The following FKBP14 variants were observed in gnomAD, a reference collection of about 807,000 sequenced individuals.
FKBP14 encodes peptidyl-prolyl cis-trans isomerase FKBP14.
Under a neutral mutation model 21.6 loss-of-function variants are expected in FKBP14, and 20 were observed. The observed-to-expected ratio is 0.92, with a 90% confidence interval of 0.65 to 1.34. The LOEUF (loss-of-function observed/expected upper bound fraction) is 1.34, where lower values mean the gene tolerates loss of function less well. Among genes scored for constraint, FKBP14 ranks in the 40% most tolerant of loss-of-function variants. The pLI, the probability that FKBP14 is intolerant of heterozygous loss-of-function variation, is 0.00. For synonymous variants in FKBP14, 79 were observed against 86.7 expected (o/e 0.91, Z 0.49); for missense variants, 253 against 249.0 (o/e 1.02, Z -0.11).
chr7:30,008,618 G>A (rs1789653611), downstream of FKBP14, among the ~76,000 whole-genome samples: 1 of 150,568 alleles, frequency 6.6e-6, no homozygotes, highest in African/African-American at 2.4e-5. Context: ...TTACTCAGGA[G>A]GCTGAGGCGG....
downstream of FKBP14, among the ~76,000 whole-genome samples, chr7:30,006,792 A>C (rs1047079507): frequency 1.3e-5 from 2 of 152,122 alleles, no homozygotes; most frequent in African/African-American, 4.8e-5. Flanking sequence ...GATTTTTTCC[A>C]CTGACCTAGT....
At position 30,013,165 on chromosome 7, in the gene FKBP14, G is replaced by A. The variant is rs1250328567; in HGVS notation, c.*1570C>T. On this transcript the variant is annotated 3_prime_UTR_variant, in exon 4 of 4. Transcript: ENST00000222803. ...TTAAAAAAAAGAATTAAAGATAAAA[G>A]CCAATTTAAAATAAAATTATATATA... The A allele has an allele frequency of 6.6e-6, 1 of 151,512 alleles. No homozygotes were observed. Among genetic ancestry groups the A allele is most frequent in the Non-Finnish European group, 1.5e-5 (1 of 67,912 alleles). 9.4% of individuals were successfully genotyped at this position (151,512 alleles called of 1,614,324 possible). A position where few individuals can be genotyped will look rare whatever the true frequency, so the allele number is the denominator to read the frequency against.
intron 2 of FKBP14, chr7:30,020,445 T>C: frequency 2.9e-6 from 1 of 347,774 alleles, no homozygotes; most frequent in Non-Finnish European, 5.5e-6. Context: ...AATGGACTAA[T>C]ACAACGTACA....
chr7:30,014,639 A>T lies in FKBP14; in HGVS notation c.*96T>A. 1.2e-6 allele frequency: 1 copy of T among 842,784 alleles called. No individual in the cohort carries two copies. Among genetic ancestry groups the T allele is most frequent in the Non-Finnish European group, 1.6e-6 (1 of 624,770 alleles). The allele number at this position is 842,784 out of a possible 1,614,324, so 52.2% of individuals were successfully genotyped here. On this transcript the variant is annotated 3_prime_UTR_variant, in exon 4 of 4. Coordinates refer to ENST00000222803, the MANE Select transcript of FKBP14 (RefSeq NM_017946.4). ...AAAAAATATATAAAAATAAAAAACA[A>T]AGCAAGAAAGAACATTGTATAAAAA...
At position 30,022,723 on chromosome 7, in the gene FKBP14, T is replaced by A; in HGVS notation, c.291A>T (p.Val97=). 6.2e-7 allele frequency: 1 copy of A among 1,614,178 alleles called. No homozygotes were observed. The highest frequency in any genetic ancestry group is 8.5e-7 in the Non-Finnish European group (1 of 1,180,014). The part of the protein sequence containing the change: ...GWDQGLKGMC[V]GEKRKLIIPP... The stretch of plus-strand genomic sequence containing the variant: ...GAATGATGAGCTTTCTCTTCTCTCC[T>A]ACACACATTCCTTTCAAGCCCTGGT... Residue 97 remains valine (V), a synonymous_variant, in exon 2 of 4, where the codon GTA becomes GTT. Transcript: ENST00000222803.
At chr7:30,015,757 C>T (rs566242436) in intron 3 of FKBP14, among the ~76,000 whole-genome samples, 5 of 151,340 alleles carry the variant, frequency 3.3e-5, no homozygotes, top group Admixed American at 3.3e-4. Context: ...TCCCGAGTAG[C>T]TGGGACTACA....
rs1383703663 is a variant in FKBP14 at position 30,024,153 on chromosome 7, C to CT, written c.198-1338dup. On this transcript the variant is annotated intron_variant, in intron 1 of 3. Transcript: ENST00000222803. Reference sequence around the variant, plus strand: ...GAGAAAAAGAAGTCACTGTACTACGCTTCATGAGTACCATGGTTACTAAAT... The same window carrying CT: ...GAGAAAAAGAAGTCACTGTACTACGCTTTCATGAGTACCATGGTTACTAAAT... Among the ~76,000 whole-genome samples, 3 of 152,278 alleles carry CT rather than the reference C, an allele frequency of 2.0e-5. No homozygotes were observed. In the East Asian group the frequency reaches 5.8e-4, roughly 29 times the overall value.
intron 2 of FKBP14, chr7:30,020,357 G>T: frequency 1.0e-6 from 1 of 968,758 alleles, no homozygotes. Context: ...ATGGCATTCA[G>T]TTTGAAGGAA....
rs147665999 is a variant in FKBP14, at chr7:30,014,859, T to G, written c.512A>C (p.His171Pro). ...KAYLKKEFEKHGAVVNESHHD... is the reference protein window; with the variant it reads ...KAYLKKEFEKPGAVVNESHHD... ...ATGACTTTCATTCACCACCGCACCA[T>G]GTTTTTCAAACTCCTTCTTTAAATA... The change falls in exon 4 of 4, where the codon CAT (histidine) becomes CCT (proline). Residue 171 changes from histidine (H) to proline (P), a missense_variant. His to Pro is a moderately conservative substitution (Grantham distance 77). Coordinates refer to ENST00000222803, the MANE Select transcript of FKBP14 (RefSeq NM_017946.4). 12 of 1,598,326 alleles carry G rather than the reference T, an allele frequency of 7.5e-6. No individual in the cohort carries two copies. Among genetic ancestry groups the G allele is most frequent in the African/African-American group, 2.7e-5 (2 of 74,002 alleles).
At chr7:30,023,299 T>A (rs537583684) in intron 1 of FKBP14, among the ~76,000 whole-genome samples, 19 of 152,148 alleles carry the variant, frequency 1.2e-4, no homozygotes, top group African/African-American at 4.3e-4. Context: ...AAGGAGAAAA[T>A]AATGGAAAAA....
At chr7:30,007,298 C>T (rs558479702), downstream of FKBP14, among the ~76,000 whole-genome samples, 26 of 151,034 alleles carry the variant, frequency 1.7e-4, no homozygotes, top group African/African-American at 5.8e-4. Flanking sequence ...CAACCTCCAC[C>T]TCCTGAATTC....
At position 30,020,156 on chromosome 7, in the gene FKBP14, A is replaced by G. The variant is rs1181640542; in HGVS notation, c.350-1033T>C. 6.4e-6 allele frequency: 6 copies of G among 931,858 alleles called. No individual in the cohort carries two copies. The African/African-American group carries it at 7.2e-5, about 11-fold the overall frequency. 57.7% of individuals were successfully genotyped at this position (931,858 alleles called of 1,614,324 possible). ...TCCTCCCCCCATCCCACATATTTCC[A>G]TGAAAGAACATTCATAAATTCCAAA... On this transcript the variant is annotated intron_variant, in intron 2 of 3. Coordinates refer to ENST00000222803, the MANE Select transcript of FKBP14 (RefSeq NM_017946.4).
downstream of FKBP14, among the ~76,000 whole-genome samples, chr7:30,007,610 C>T (rs1302775827): frequency 1.3e-5 from 2 of 152,162 alleles, no homozygotes; most frequent in African/African-American, 4.8e-5. Flanking sequence ...ATGCACAATG[C>T]TTTCTGGAAT....
intron 2 of FKBP14, 50 bp downstream of exon 2, chr7:30,022,615 C>A: frequency 3.2e-6 from 5 of 1,543,734 alleles, no homozygotes; most frequent in South Asian, 2.5e-5. Flanking sequence ...TCTCCTAATC[C>A]AGAGAACAAC....
At chr7:30,023,210 G>A (rs1790081446) in intron 1 of FKBP14, among the ~76,000 whole-genome samples, 1 of 152,188 alleles carries the variant, frequency 6.6e-6, no homozygotes, top group Non-Finnish European at 1.5e-5. Flanking sequence ...TTAAGTTCCA[G>A]TCTTTAAACC....
rs57981260 is a variant in FKBP14 at position 30,015,008 on chromosome 7, C to A, written c.478-115G>T. The A allele has an allele frequency of 0.17, 88,951 of 536,484 alleles. 7,599 individuals are homozygous for A. Among genetic ancestry groups the A allele is most frequent in the African/African-American group, 0.24 (12,266 of 51,250 alleles). 33.2% of individuals were successfully genotyped at this position (536,484 alleles called of 1,614,324 possible). The stretch of plus-strand genomic sequence containing the variant: ...TTTAGTTCATTAACTAAATATAATA[C>A]CTTCTAAACAGCCATTTTATGACAT... On this transcript the variant is annotated intron_variant, in intron 3 of 3. Coordinates refer to ENST00000222803, the MANE Select transcript of FKBP14 (RefSeq NM_017946.4).
At chr7:30,014,975 TTATTA>T in intron 3 of FKBP14, 82 bp from the exon 4 acceptor site, 1 of 837,576 alleles carries the variant, frequency 1.2e-6, no homozygotes, top group Non-Finnish European at 1.8e-6. Flanking sequence ...ACATGGACTG[TTATTA>T]TATTTAGTTC....
chr7:30,009,978 A>G (rs1404512342), downstream of FKBP14, among the ~76,000 whole-genome samples: 1 of 152,168 alleles, frequency 6.6e-6, no homozygotes, highest in Non-Finnish European at 1.5e-5. Flanking sequence ...CAGCCTGGCA[A>G]CAAGAGCGAA....
rs1389664161 is a variant in FKBP14 at position 30,013,062 on chromosome 7, A to G, written c.*1673T>C. 6.6e-6 allele frequency: 1 copy of G among 152,198 alleles called. No homozygotes were observed. The highest frequency in any genetic ancestry group is 1.5e-5 in the Non-Finnish European group (1 of 68,034). 9.4% of individuals were successfully genotyped at this position (152,198 alleles called of 1,614,324 possible). ...TTGTTTTATGACTCAGAGCCATGAAAAGCGAAGATAATAATGCACTTAATA... is the reference window on the plus strand; with the variant it reads ...TTGTTTTATGACTCAGAGCCATGAAGAGCGAAGATAATAATGCACTTAATA... On this transcript the variant is annotated 3_prime_UTR_variant, in exon 4 of 4. Transcript: ENST00000222803.
Sources: allele counts gnomAD v4.1 joint callset (sites outside exome capture counted in the v4.1 genomes callset), GRCh38; gene constraint gnomAD v4.1.1; transcripts MANE v1.5; gene names NCBI Gene and HGNC (gene_info 2026-07-23, HGNC 2026-07-21).